TAOK1: variants seen among roughly 807,000 people sequenced by gnomAD.
TAOK1 encodes the protein TAO kinase 1.
In TAOK1, 21 loss-of-function variants were observed where a neutral mutation model predicts 138.3. That is an observed-to-expected ratio of 0.15 (90% CI 0.11 to 0.22). The LOEUF is 0.22. Ranked by LOEUF, TAOK1 falls within the 10% of genes least tolerant of loss-of-function variation. TAOK1 has a pLI of 1.00. For synonymous variants in TAOK1, 361 were observed against 398.4 expected (o/e 0.91, Z 1.12); for missense variants, 651 against 1,227.7 (o/e 0.53, Z 7.02).
chr17:29,392,282 AGCTGT>A (rs1904459509), intron 1 of TAOK1, among the ~76,000 whole-genome samples: 1 of 152,228 alleles, frequency 6.6e-6, no homozygotes, highest in Non-Finnish European at 1.5e-5. Flanking sequence ...TTTCTCCCTA[AGCTGT>A]GAATTTTTAG....
At position 29,420,171 on chromosome 17, in the gene TAOK1, A is replaced by G. The variant is rs540270209; in HGVS notation, c.-95+29147A>G. On this transcript the variant is annotated intron_variant, in intron 1 of 19. Transcript: ENST00000261716. ...GCAGTCCTCCCTCCTCAGCCTCCCA[A>G]GTAGCTGGGACTACAGGTGCATGCC... Among the ~76,000 whole-genome samples, 7 of 151,992 alleles carry G rather than the reference A, an allele frequency of 4.6e-5. No homozygotes were observed. In the East Asian group the frequency reaches 1.4e-3, roughly 29 times the overall value.
At position 29,430,486 on chromosome 17, in the gene TAOK1, A is replaced by G. The variant is rs777893859; in HGVS notation, c.-94-20969A>G. 2.6e-5 allele frequency among the ~76,000 whole-genome samples: 4 copies of G among 152,358 alleles called. 1 individual carries two copies. The South Asian group carries it at 6.2e-4, about 24-fold the overall frequency. On this transcript the variant is annotated intron_variant, in intron 1 of 19. Coordinates refer to ENST00000261716, the MANE Select transcript of TAOK1 (RefSeq NM_020791.4). ...TGCAAAAAGCAACCAATCAGAGGCT[A>G]GGGTGAAGTTACAAAGTTGCAAACG...
intron 6 of TAOK1, among the ~76,000 whole-genome samples, chr17:29,479,542 A>G (rs1185157056): frequency 2.6e-5 from 4 of 152,220 alleles, no homozygotes; most frequent in African/African-American, 7.2e-5. Context: ...AGTGAGTGCC[A>G]TAGTTGGAAT....
chr17:29,542,935 T>A lies in TAOK1; in HGVS notation c.2919T>A (p.Ala973=). The A allele has an allele frequency of 6.2e-7, 1 of 1,613,702 alleles. No individual in the cohort carries two copies. Among genetic ancestry groups the A allele is most frequent in the South Asian group, 1.1e-5 (1 of 91,038 alleles). Residue 973 remains alanine (A), a synonymous_variant, in exon 20 of 20, where the codon GCT becomes GCA. Transcript: ENST00000261716. The part of the protein sequence containing the change: ...RNSPQALRRT[A]SGGRTEQGMS... ...GCCCCCAGGCTCTGAGGCGGACAGC[T>A]TCTGGGGGACGGACGGAGCAGGGCA... is the stretch of plus-strand genomic sequence containing the variant.
Position 29,510,877 on chromosome 17 carries a change from C to A in TAOK1, c.1589C>A (p.Ser530Tyr). The A allele has an allele frequency of 6.2e-7, 1 of 1,601,994 alleles. No homozygotes were observed. Among genetic ancestry groups the A allele is most frequent in the Non-Finnish European group, 8.5e-7 (1 of 1,175,120 alleles). ...AAMEKEAKVM[S>Y]NEEKKFQQHI... ...AACTTCATATAGGCTAAAGTGATGT[C>A]CAATGAAGAGAAAAAATTTCAGCAA... The change falls in exon 15 of 20, where the codon TCC (serine) becomes TAC (tyrosine). Residue 530 changes from serine to tyrosine, a missense_variant. Coordinates refer to ENST00000261716, the MANE Select transcript of TAOK1 (RefSeq NM_020791.4).
rs1481295744 is a variant in TAOK1 at position 29,522,475 on chromosome 17, C to G, written c.2104C>G (p.Arg702Gly). 1 of 1,614,050 alleles carries G rather than the reference C, an allele frequency of 6.2e-7. No individual in the cohort carries two copies. The highest frequency in any genetic ancestry group is 1.3e-5 in the African/African-American group (1 of 74,996). The change falls in exon 17 of 20, where the codon CGA (arginine) becomes GGA (glycine). Residue 702 changes from arginine (R) to glycine (G), a missense_variant. By Grantham distance (125) the Arg-to-Gly change is moderately radical (BLOSUM62 -2). Coordinates refer to ENST00000261716, the MANE Select transcript of TAOK1 (RefSeq NM_020791.4). ...YNKRRERELR[R>G]KHVMEVRQQP... Reference sequence around the variant, plus strand: ...TAAGCGAAGAGAACGAGAACTAAGACGAAAGCATGTCATGGAAGTTCGACA... The same window carrying G: ...TAAGCGAAGAGAACGAGAACTAAGAGGAAAGCATGTCATGGAAGTTCGACA...
At chr17:29,451,239 A>T (rs1325185077) in intron 1 of TAOK1, among the ~76,000 whole-genome samples, 1 of 152,126 alleles carries the variant, frequency 6.6e-6, no homozygotes, top group East Asian at 1.9e-4. Context: ...AGATTATCTC[A>T]TTTTTTTAAA....
At chr17:29,520,623 C>A (rs2150766587) in intron 16 of TAOK1, among the ~76,000 whole-genome samples, 1 of 151,898 alleles carries the variant, frequency 6.6e-6, no homozygotes, top group Admixed American at 6.6e-5. Context: ...CCATGTTGAC[C>A]AGGTTGGTCT....
At chr17:29,442,197 C>T (rs1169868809) in intron 1 of TAOK1, among the ~76,000 whole-genome samples, 2 of 151,966 alleles carry the variant, frequency 1.3e-5, no homozygotes, top group Admixed American at 6.6e-5. Context: ...AGGCATATGA[C>T]ACCACACGCA....
In TAOK1 at chr17:29,492,672, G is replaced by T. The variant is rs1286695492; in HGVS notation, c.831+807G>T. 5.3e-5 allele frequency among the ~76,000 whole-genome samples: 8 copies of T among 151,930 alleles called. No homozygotes were observed. In the East Asian group the frequency reaches 1.5e-3, roughly 29 times the overall value. The stretch of plus-strand genomic sequence containing the variant: ...CTGGGCGTGGTGGCGCATGCCTGTA[G>T]TCCCAGCTACTCGGGAGGCTGAGGC... On this transcript the variant is annotated intron_variant, in intron 10 of 19. Coordinates refer to ENST00000261716, the MANE Select transcript of TAOK1 (RefSeq NM_020791.4).
intron 1 of TAOK1, among the ~76,000 whole-genome samples, chr17:29,449,477 TTCTAGC>T (rs2030178589): frequency 6.6e-6 from 1 of 152,208 alleles, no homozygotes; most frequent in Non-Finnish European, 1.5e-5. Flanking sequence ...CAAAGAAGTT[TTCTAGC>T]AAGAATTAAA....
chr17:29,465,679 C>T (rs2030644975), intron 2 of TAOK1, among the ~76,000 whole-genome samples: 1 of 152,016 alleles, frequency 6.6e-6, no homozygotes, highest in Non-Finnish European at 1.5e-5. Context: ...AAAACGAGTT[C>T]TTGCACAGAT....
At chr17:29,527,243 A>T (rs1289098583) in intron 17 of TAOK1, among the ~76,000 whole-genome samples, 1 of 151,814 alleles carries the variant, frequency 6.6e-6, no homozygotes, top group Non-Finnish European at 1.5e-5. Context: ...GTGAGCCATG[A>T]TCATGCCACT....
chr17:29,401,655 TTCTTC>T (rs1454993512), intron 1 of TAOK1, among the ~76,000 whole-genome samples: 1 of 101,118 alleles, frequency 9.9e-6, no homozygotes, highest in Non-Finnish European at 1.9e-5. Context: ...CACTTTCTTT[TTCTTC>T]TCTTTTTTTT....
intron 1 of TAOK1, among the ~76,000 whole-genome samples, chr17:29,442,571 C>A (rs915137028): frequency 6.6e-6 from 1 of 152,012 alleles, no homozygotes; most frequent in Non-Finnish European, 1.5e-5. Flanking sequence ...ACCAGGACCT[C>A]TGAACAGTGT....
chr17:29,400,506 C>G (rs1416824972), intron 1 of TAOK1, among the ~76,000 whole-genome samples: 4 of 151,826 alleles, frequency 2.6e-5, no homozygotes, highest in Non-Finnish European at 5.9e-5. Context: ...CCATCCCTGT[C>G]TTTGAAGGGA....
chr17:29,489,734 C>T lies in TAOK1; in HGVS notation c.726C>T (p.Ser242=). 1.2e-6 allele frequency: 2 copies of T among 1,608,042 alleles called. No homozygotes were observed. Among genetic ancestry groups the T allele is most frequent in the South Asian group, 1.1e-5 (1 of 90,280 alleles). The change falls in exon 9 of 20, where the codon TCC becomes TCT. Residue 242 remains serine, a synonymous_variant. Coordinates refer to ENST00000261716, the MANE Select transcript of TAOK1 (RefSeq NM_020791.4). ...TATATCACATAGCCCAAAATGAATC[C>T]CCTACACTACAGTCTAATGAATGGT... The part of the protein sequence containing the change: ...SALYHIAQNE[S]PTLQSNEWSD...
At chr17:29,434,918 G>A (rs529844786) in intron 1 of TAOK1, among the ~76,000 whole-genome samples, 1 of 152,252 alleles carries the variant, frequency 6.6e-6, no homozygotes, top group South Asian at 2.1e-4. Context: ...CAAATGCTAA[G>A]GTGAAACTGT....
intron 1 of TAOK1, among the ~76,000 whole-genome samples, chr17:29,407,034 A>G (rs1598467168): frequency 6.6e-6 from 1 of 152,102 alleles, no homozygotes; most frequent in Non-Finnish European, 1.5e-5. Flanking sequence ...CTTTTTTTAG[A>G]TACAGGGTCT....
Sources: gnomAD v4.1 joint callset for allele counts (sites outside exome capture counted in the v4.1 genomes callset) on GRCh38, gnomAD v4.1.1 for gene constraint, MANE v1.5 for transcripts, NCBI Gene and HGNC (gene_info 2026-07-23, HGNC 2026-07-21) for gene names.